LGALS13: variants seen among roughly 807,000 people sequenced by gnomAD.
LGALS13 encodes galactoside-binding soluble lectin 13.
LGALS13 carries 11 observed loss-of-function variants against 13.2 expected under a neutral mutation model. The observed-to-expected ratio is 0.83, with a 90% CI of 0.52 to 1.38. The LOEUF is 1.38. Among genes scored for constraint, LGALS13 ranks in the 40% most tolerant of loss-of-function variants. The pLI is 0.00. For synonymous variants in LGALS13, 71 were observed against 63.7 expected (o/e 1.11, Z -0.54); for missense variants, 183 against 174.3 (o/e 1.05, Z -0.28).
chr19:39,604,222 G>A lies in LGALS13; in HGVS notation c.16-380G>A, dbSNP rs745590803. 9.9e-5 allele frequency among the ~76,000 whole-genome samples: 15 copies of A among 152,148 alleles called. 1 individual carries two copies. The highest frequency in any genetic ancestry group is 2.6e-4 in the Admixed American group (4 of 15,280). On this transcript the variant is annotated intron_variant, in intron 1 of 3. Coordinates refer to ENST00000221797, the MANE Select transcript of LGALS13 (RefSeq NM_013268.3). ...GTTAGGTCACCCTAAGAGGCCCTAC[G>A]CATGACAGGGATTAGGGTAACACTT...
intron 3 of LGALS13, among the ~76,000 whole-genome samples, chr19:39,606,519 A>G (rs1972691246): frequency 6.6e-6 from 1 of 152,222 alleles, no homozygotes; most frequent in Non-Finnish European, 1.5e-5. Flanking sequence ...AAACTGGCTC[A>G]AAAATGTGTG....
Position 39,605,154 on chromosome 19 carries a change from A to G in LGALS13, c.93-24A>G, listed in dbSNP as rs754331865. On this transcript the variant is annotated intron_variant, in intron 2 of 3. Coordinates refer to ENST00000221797, the MANE Select transcript of LGALS13 (RefSeq NM_013268.3). ...TCTGCGCAAGGGAGGGACCTGCCCAACATTCTGCGTGCTTCACCCTCAGCA... is the reference window on the plus strand; with the variant it reads ...TCTGCGCAAGGGAGGGACCTGCCCAGCATTCTGCGTGCTTCACCCTCAGCA... 3.7e-6 allele frequency: 6 copies of G among 1,601,150 alleles called. No homozygotes were observed. In the Admixed American group the frequency reaches 1.0e-4, roughly 27 times the overall value.
chr19:39,607,357 C>T lies in LGALS13; in HGVS notation c.*18C>T, dbSNP rs754943251. 12 of 1,498,770 alleles carry T rather than the reference C, an allele frequency of 8.0e-6. No individual in the cohort carries two copies. In the South Asian group the frequency reaches 1.4e-4, roughly 17 times the overall value. 92.8% of individuals were successfully genotyped at this position (1,498,770 alleles called of 1,614,324 possible). On this transcript the variant is annotated 3_prime_UTR_variant, in exon 4 of 4. Transcript: ENST00000221797. The stretch of plus-strand genomic sequence containing the variant: ...GCAATTGAGGGAGATGATCACACTC[C>T]TCATTGTTGAGGAATCCCTCTTTCT...
At chr19:39,603,901 A>G in intron 1 of LGALS13, 3 of 973,776 alleles carry the variant, frequency 3.1e-6, no homozygotes, top group Non-Finnish European at 2.4e-6. Flanking sequence ...ATAGAAATCA[A>G]TCATTCCCTC....
At chr19:39,605,437 A>G in intron 3 of LGALS13, 49 bp downstream of exon 3, 2 of 1,478,648 alleles carry the variant, frequency 1.4e-6, no homozygotes, top group Non-Finnish European at 1.9e-6. Flanking sequence ...GGCTCCCAAA[A>G]CAGGAGGCAG....
At chr19:39,604,202 G>T (rs988129199) in intron 1 of LGALS13, among the ~76,000 whole-genome samples, 2 of 152,130 alleles carry the variant, frequency 1.3e-5, no homozygotes, top group African/African-American at 2.4e-5. Context: ...GTCCTGTTAG[G>T]TCACCCTAAG....
At position 39,607,294 on chromosome 19, in the gene LGALS13, AGT is replaced by A. The variant is rs1972706748; in HGVS notation, c.378_379del (p.Ser127GlufsTer38). On this transcript the variant is annotated frameshift_variant, in exon 4 of 4. Transcript: ENST00000221797. LOFTEE classifies it high-confidence loss of function. ...IPPSFVKMVQVSRDISLTSVC... is the reference protein window; with the variant it reads ...IPPSFVKMVQXSRDISLTSVC... ...CGCCATCATTTGTGAAGATGGTGCA[AGT>A]GTCGAGAGATATCTCCCTGACCTCA... The A allele has an allele frequency of 1.9e-6, 3 of 1,613,930 alleles. No homozygotes were observed. Among genetic ancestry groups the A allele is most frequent in the Non-Finnish European group, 2.5e-6 (3 of 1,179,954 alleles).
rs116537355 is a variant in LGALS13 at position 39,605,163 on chromosome 19, G to C, written c.93-15G>C. The C allele has an allele frequency of 6.2e-7, 1 of 1,609,978 alleles. No homozygotes were observed. Among genetic ancestry groups the C allele is most frequent in the Non-Finnish European group, 8.5e-7 (1 of 1,176,318 alleles). Reference sequence around the variant, plus strand: ...GGGAGGGACCTGCCCAACATTCTGCGTGCTTCACCCTCAGCAATGACCCAC... The same window carrying C: ...GGGAGGGACCTGCCCAACATTCTGCCTGCTTCACCCTCAGCAATGACCCAC... On this transcript the variant is annotated splice_polypyrimidine_tract_variant and intron_variant, in intron 2 of 3. Transcript: ENST00000221797.
At chr19:39,602,904 G>C (rs983698480) in intron 1 of LGALS13, among the ~76,000 whole-genome samples, 5 of 152,090 alleles carry the variant, frequency 3.3e-5, no homozygotes, top group Non-Finnish European at 5.9e-5. Context: ...GTAAAGGGGT[G>C]AGTCGGCTTT....
Position 39,605,310 on chromosome 19 carries a change from G to A in LGALS13, c.225G>A (p.Glu75=). The change falls in exon 3 of 4, where the codon GAG becomes GAA. Residue 75 remains glutamate (E), a synonymous_variant. Transcript: ENST00000221797. The part of the protein sequence containing the change: ...NRREFGIWML[E]ETTDYVPFED... Reference sequence around the variant, plus strand: ...GTGAGTTTGGGATATGGATGTTGGAGGAGACAACAGACTACGTGCCCTTTG... The same window carrying A: ...GTGAGTTTGGGATATGGATGTTGGAAGAGACAACAGACTACGTGCCCTTTG... 1 of 1,614,182 alleles carries A rather than the reference G, an allele frequency of 6.2e-7. No homozygotes were observed. The highest frequency in any genetic ancestry group is 8.5e-7 in the Non-Finnish European group (1 of 1,180,010).
intron 2 of LGALS13, among the ~76,000 whole-genome samples, chr19:39,604,919 G>A (rs555989701): frequency 3.9e-5 from 6 of 152,318 alleles, no homozygotes; most frequent in African/African-American, 1.4e-4. Flanking sequence ...CTTTATCAGG[G>A]GGCATAGAAT....
At chr19:39,604,787 G>A in intron 2 of LGALS13, 109 bp downstream of exon 2, 2 of 1,347,308 alleles carry the variant, frequency 1.5e-6, no homozygotes, top group Non-Finnish European at 2.1e-6. Context: ...CAGAATGGAG[G>A]CCCCATGCAG....
intron 3 of LGALS13, 71 bp downstream of exon 3, chr19:39,605,459 C>G: frequency 7.8e-7 from 1 of 1,282,068 alleles, no homozygotes; most frequent in Admixed American, 1.8e-5. Context: ...TCTCATTGAT[C>G]TGGCCTCAGT....
chr19:39,605,111 G>C (rs917489481), intron 2 of LGALS13, 67 bp from the exon 3 acceptor site: 9 of 1,277,978 alleles, frequency 7.0e-6, no homozygotes, highest in Non-Finnish European at 1.0e-5. Flanking sequence ...AGGGATTTGT[G>C]TGTGTGTCGA....
Position 39,604,584 on chromosome 19 carries a change from C to T in LGALS13, c.16-18C>T. 1.2e-6 allele frequency: 2 copies of T among 1,613,950 alleles called. No homozygotes were observed. Among genetic ancestry groups the T allele is most frequent in the East Asian group, 2.2e-5 (1 of 44,878 alleles). ...CACCTGACCCTGCACCTCTCACTTA[C>T]TCTCAATACTCTGGCAGGTGCCATA... is the stretch of plus-strand genomic sequence containing the variant. On this transcript the variant is annotated intron_variant, in intron 1 of 3. Coordinates refer to ENST00000221797, the MANE Select transcript of LGALS13 (RefSeq NM_013268.3).
chr19:39,603,984 T>C (rs1236468782), intron 1 of LGALS13: 2 of 985,306 alleles, frequency 2.0e-6, no homozygotes, highest in African/African-American at 1.7e-5. Flanking sequence ...GTGTGCCCCT[T>C]CTTGGAAGGA....
intron 3 of LGALS13, among the ~76,000 whole-genome samples, chr19:39,605,831 T>C (rs549379672): frequency 6.7e-6 from 1 of 149,376 alleles, no homozygotes; most frequent in Admixed American, 6.6e-5. Context: ...AAAGAGGTTT[T>C]GTTTGTTTGT....
At chr19:39,606,930 G>A (rs1161988713) in intron 3 of LGALS13, among the ~76,000 whole-genome samples, 1 of 152,198 alleles carries the variant, frequency 6.6e-6, no homozygotes, top group Non-Finnish European at 1.5e-5. Context: ...CTGAGACACA[G>A]TCCCTGGCGA....
At position 39,605,194 on chromosome 19, in the gene LGALS13, C is replaced by T. The variant is rs141556770; in HGVS notation, c.109C>T (p.Gln37Ter). ...CACCCTCAGCAATGACCCACAGCTG[C>T]AGGTGGATTTCTACACTGACATGGA... The part of the protein sequence containing the change: ...IHSFINDPQL[Q>*]VDFYTDMDED... Residue 37 changes from glutamine to a stop codon, truncating the protein, a stop_gained, in exon 3 of 4, where the codon CAG (glutamine) becomes TAG (stop). Coordinates refer to ENST00000221797, the MANE Select transcript of LGALS13 (RefSeq NM_013268.3). LOFTEE classifies it high-confidence loss of function. 7 of 1,614,038 alleles carry T rather than the reference C, an allele frequency of 4.3e-6. No homozygotes were observed. The highest frequency in any genetic ancestry group is 5.9e-6 in the Non-Finnish European group (7 of 1,179,984).
Sources: gnomAD v4.1 joint callset for allele counts (sites outside exome capture counted in the v4.1 genomes callset) on GRCh38, gnomAD v4.1.1 for gene constraint, MANE v1.5 for transcripts, NCBI Gene and HGNC (gene_info 2026-07-23, HGNC 2026-07-21) for gene names.